ARHGEF12: variants seen among roughly 807,000 people sequenced by gnomAD.
ARHGEF12 encodes KMT2A/ARHGEF12 fusion protein.
ARHGEF12 carries 66 observed loss-of-function variants against 211.2 expected under a neutral mutation model. The ratio of observed to expected loss-of-function variants is 0.31; its 90% CI spans 0.26 to 0.38. The LOEUF (loss-of-function observed/expected upper bound fraction) is 0.38, where lower values mean the gene tolerates loss of function less well. Among genes scored for constraint, ARHGEF12 ranks in the 10% least tolerant of loss-of-function variants. The pLI is 1.00. For missense variants in ARHGEF12, 1,429 were observed against 1,869.5 expected (o/e 0.76, Z 4.34); for synonymous variants, 592 against 638.4 (o/e 0.93, Z 1.09).
intron 30 of ARHGEF12, among the ~76,000 whole-genome samples, chr11:120,469,664 A>T (rs534199830): frequency 5.3e-5 from 8 of 152,344 alleles, no homozygotes; most frequent in African/African-American, 1.9e-4. Context: ...TGCTGGGCAT[A>T]GGGTACAGAG....
In ARHGEF12 at chr11:120,451,696, C is replaced by T; in HGVS notation, c.2028C>T (p.Ser676=). The T allele has an allele frequency of 6.2e-7, 1 of 1,613,860 alleles. No homozygotes were observed. The highest frequency in any genetic ancestry group is 1.1e-5 in the South Asian group (1 of 91,054). The change falls in exon 22 of 41, where the codon TCC becomes TCT. Residue 676 remains serine, a synonymous_variant. Transcript: ENST00000397843. ...CTGTAGCTTCAGGGGCCTCTTTTTC[C>T]CAGGAAGGAGGGAAAGAGAATGATA... The part of the protein sequence containing the change: ...MSSVASGASF[S]QEGGKENDTG...
intron 32 of ARHGEF12, among the ~76,000 whole-genome samples, chr11:120,475,046 C>T (rs540701350): frequency 6.6e-6 from 1 of 152,240 alleles, no homozygotes; most frequent in African/African-American, 2.4e-5. Flanking sequence ...GCCTCGAACT[C>T]CTGGGCTTAA....
intron 1 of ARHGEF12, among the ~76,000 whole-genome samples, chr11:120,366,752 C>T (rs575364565): frequency 3.1e-4 from 47 of 152,308 alleles, no homozygotes; most frequent in African/African-American, 1.1e-3. Context: ...AGGTGGCTCA[C>T]GCCTGTAATC....
chr11:120,395,821 G>C (rs1391891401), intron 1 of ARHGEF12, among the ~76,000 whole-genome samples: 1 of 152,038 alleles, frequency 6.6e-6, no homozygotes, highest in African/African-American at 2.4e-5. Flanking sequence ...GGGAATTATG[G>C]GAGCTACAAT....
At chr11:120,470,886 G>A (rs1277383061) in intron 30 of ARHGEF12, among the ~76,000 whole-genome samples, 1 of 152,084 alleles carries the variant, frequency 6.6e-6, no homozygotes, top group Non-Finnish European at 1.5e-5. Flanking sequence ...GGCTACTTTT[G>A]TTCCAAAACA....
At chr11:120,398,235 C>G (rs1944449909) in intron 1 of ARHGEF12, among the ~76,000 whole-genome samples, 1 of 152,166 alleles carries the variant, frequency 6.6e-6, no homozygotes, top group Non-Finnish European at 1.5e-5. Context: ...TTTGTAACAG[C>G]TAACGGAGAA....
intron 1 of ARHGEF12, among the ~76,000 whole-genome samples, chr11:120,368,030 G>A (rs541929114): frequency 1.3e-5 from 2 of 152,212 alleles, no homozygotes; most frequent in African/African-American, 2.4e-5. Flanking sequence ...TTCATTATGG[G>A]ATAGAGAAGA....
intron 1 of ARHGEF12, among the ~76,000 whole-genome samples, chr11:120,378,204 G>A (rs1286967752): frequency 4.6e-5 from 7 of 152,128 alleles, no homozygotes; most frequent in Admixed American, 4.6e-4. Flanking sequence ...TTTAATTTTA[G>A]TCATTGTAGT....
intron 1 of ARHGEF12, among the ~76,000 whole-genome samples, chr11:120,356,356 G>T (rs1020633338): frequency 1.6e-4 from 24 of 152,224 alleles, no homozygotes; most frequent in Non-Finnish European, 3.5e-4. Context: ...AGGTGGCTAG[G>T]ATTACAGGTG....
At chr11:120,432,197 T>G (rs1291364606) in intron 11 of ARHGEF12, among the ~76,000 whole-genome samples, 1 of 152,178 alleles carries the variant, frequency 6.6e-6, no homozygotes. Context: ...CTAATGCCAG[T>G]GCATTTTTAC....
At chr11:120,382,989 A>G (rs943214607) in intron 1 of ARHGEF12, among the ~76,000 whole-genome samples, 1 of 152,148 alleles carries the variant, frequency 6.6e-6, no homozygotes, top group Non-Finnish European at 1.5e-5. Context: ...AATACAAAAA[A>G]TTAGCCAGGC....
At chr11:120,371,938 G>A (rs1434092080) in intron 1 of ARHGEF12, among the ~76,000 whole-genome samples, 2 of 152,114 alleles carry the variant, frequency 1.3e-5, no homozygotes, top group African/African-American at 4.8e-5. Context: ...TTGAATGACC[G>A]TTACTAAAAA....
chr11:120,431,082 G>A (rs1945513150), intron 10 of ARHGEF12, among the ~76,000 whole-genome samples: 1 of 152,068 alleles, frequency 6.6e-6, no homozygotes, highest in Non-Finnish European at 1.5e-5. Context: ...CTGAGGTCGG[G>A]AGTTTGAGAC....
At chr11:120,344,742 G>A (rs1332827376) in intron 1 of ARHGEF12, among the ~76,000 whole-genome samples, 2 of 152,216 alleles carry the variant, frequency 1.3e-5, no homozygotes, top group Non-Finnish European at 2.9e-5. Context: ...TGATATGAGA[G>A]TTAAATGAAT....
chr11:120,474,536 G>T (rs1362743614), intron 31 of ARHGEF12, 24 bp from the exon 32 acceptor site: 1 of 1,558,994 alleles, frequency 6.4e-7, no homozygotes, highest in Non-Finnish European at 8.8e-7. Flanking sequence ...AATTATTTGT[G>T]CATGATTTTC....
At chr11:120,347,153 TTCCTTCCTTCCTTCCTTCCTTCCTTC>T (rs1942767164) in intron 1 of ARHGEF12, among the ~76,000 whole-genome samples, 1 of 49,010 alleles carries the variant, frequency 2.0e-5, no homozygotes. Flanking sequence ...CCTTCCTTCC[TTCCTTCCTTCCTTCCTTCCTTCCTTC>T]CTTCCTTTCT....
At chr11:120,367,262 C>T (rs61900791) in intron 1 of ARHGEF12, among the ~76,000 whole-genome samples, 4,258 of 146,632 alleles carry the variant, frequency 0.029, 93 homozygotes, top group South Asian at 0.082. Context: ...AATTTGTTAA[C>T]GGAATTTTTA....
rs1254663039 is a variant in ARHGEF12, at chr11:120,480,182, C to T, written c.3989C>T (p.Thr1330Ile). The change falls in exon 38 of 41, where the codon ACT becomes ATT. Residue 1330 changes from threonine to isoleucine, a missense_variant. Thr to Ile is a moderately conservative substitution (Grantham distance 89, BLOSUM62 -1). Transcript: ENST00000397843. The part of the protein sequence containing the change: ...GDIATCYSPR[T>I]STESFAPRDS... The stretch of plus-strand genomic sequence containing the variant: ...ATTGCAACTTGTTACAGTCCACGGA[C>T]TTCAACTGAATCTTTTGCTCCACGG... The T allele has an allele frequency of 6.2e-7, 1 of 1,614,098 alleles. No individual in the cohort carries two copies. Among genetic ancestry groups the T allele is most frequent in the East Asian group, 2.2e-5 (1 of 44,902 alleles).
intron 39 of ARHGEF12, 81 bp downstream of exon 39, chr11:120,481,657 G>A: frequency 1.5e-6 from 2 of 1,374,760 alleles, no homozygotes; most frequent in Non-Finnish European, 2.0e-6. Context: ...TGAAAATGCT[G>A]ATGTCAATAA....
Sources: gnomAD v4.1 joint callset for allele counts (sites outside exome capture counted in the v4.1 genomes callset) on GRCh38, gnomAD v4.1.1 for gene constraint, MANE v1.5 for transcripts, NCBI Gene and HGNC (gene_info 2026-07-23, HGNC 2026-07-21) for gene names.